Variants in DYRK1A observed in about 807,000 individuals in gnomAD.
DYRK1A encodes the protein dual specificity tyrosine phosphorylation regulated kinase 1A.
Under a neutral mutation model 79.7 loss-of-function variants are expected in DYRK1A, and 9 were observed. That is an observed-to-expected ratio of 0.11 (90% confidence interval 0.07 to 0.20). The LOEUF is 0.20. Ranked by LOEUF, DYRK1A falls within the 10% of genes least tolerant of loss-of-function variation. The pLI is 1.00. For synonymous variants in DYRK1A, 349 were observed against 329.7 expected (o/e 1.06, Z -0.63); for missense variants, 622 against 956.0 (o/e 0.65, Z 4.61).
intron 3 of DYRK1A, among the ~76,000 whole-genome samples, chr21:37,477,254 C>G (rs2052432409): frequency 6.6e-6 from 1 of 152,146 alleles, no homozygotes; most frequent in Non-Finnish European, 1.5e-5. Flanking sequence ...TTTCCCAGCA[C>G]AAATGTCCAG....
chr21:37,433,055 A>ATT (rs1219284036), intron 2 of DYRK1A, among the ~76,000 whole-genome samples: 2 of 149,910 alleles, frequency 1.3e-5, no homozygotes, highest in African/African-American at 4.9e-5. Context: ...ATATATATAT[A>ATT]TATATATATA....
chr21:37,487,152 CCAT>C (rs754559065), intron 6 of DYRK1A: 2 of 152,138 alleles, frequency 1.3e-5, no homozygotes, highest in Non-Finnish European at 2.9e-5. Flanking sequence ...TGCTTTTCTT[CCAT>C]CATCTGTAAT....
intron 2 of DYRK1A, among the ~76,000 whole-genome samples, chr21:37,463,411 A>G (rs2051918558): frequency 1.3e-5 from 2 of 152,118 alleles, no homozygotes; most frequent in East Asian, 1.9e-4. Context: ...CAGGCACTGC[A>G]CTGTGTGCTT....
chr21:37,416,459 T>C (rs545978472), intron 1 of DYRK1A, among the ~76,000 whole-genome samples: 2 of 152,002 alleles, frequency 1.3e-5, no homozygotes, highest in African/African-American at 2.4e-5. Context: ...GATCATCTTA[T>C]TGGAAATAAG....
intron 1 of DYRK1A, among the ~76,000 whole-genome samples, chr21:37,401,932 A>G (rs985204396): frequency 9.8e-5 from 15 of 152,286 alleles, no homozygotes; most frequent in South Asian, 8.3e-4. Flanking sequence ...CATATTTTCA[A>G]ATATTTAGAG....
chr21:37,491,820 T>G (rs1016734491), intron 7 of DYRK1A, among the ~76,000 whole-genome samples: 1 of 152,224 alleles, frequency 6.6e-6, no homozygotes, highest in Non-Finnish European at 1.5e-5. Context: ...TGTCCTAATA[T>G]TAAACATTAT....
intron 2 of DYRK1A, among the ~76,000 whole-genome samples, chr21:37,449,277 C>T (rs2051368449): frequency 6.6e-6 from 1 of 152,098 alleles, no homozygotes; most frequent in Non-Finnish European, 1.5e-5. Flanking sequence ...ACGAACACAC[C>T]TAATATTTCA....
At chr21:37,479,625 T>TTTTTTTG (rs2052560163) in intron 4 of DYRK1A, among the ~76,000 whole-genome samples, 1 of 97,536 alleles carries the variant, frequency 1.0e-5, no homozygotes, top group African/African-American at 5.6e-5. Context: ...TTTTGTTTTT[T>TTTTTTTG]TTTTTTTTTT....
intron 1 of DYRK1A, among the ~76,000 whole-genome samples, chr21:37,378,245 C>G (rs906645480): frequency 6.6e-6 from 1 of 152,086 alleles, no homozygotes; most frequent in Non-Finnish European, 1.5e-5. Flanking sequence ...TAAAGTATTT[C>G]CTGGGGGCCA....
intron 2 of DYRK1A, among the ~76,000 whole-genome samples, chr21:37,467,990 C>A (rs1216124517): frequency 1.3e-5 from 2 of 152,192 alleles, no homozygotes; most frequent in Non-Finnish European, 2.9e-5. Flanking sequence ...GCGGAAAATT[C>A]TGTTGGGCAC....
intron 9 of DYRK1A, among the ~76,000 whole-genome samples, chr21:37,497,962 T>G (rs998103786): frequency 2.0e-5 from 3 of 149,136 alleles, no homozygotes; most frequent in Non-Finnish European, 4.4e-5. Flanking sequence ...TTTTAAGAGA[T>G]AAATTTTGTA....
At chr21:37,429,918 A>G (rs1278413795) in intron 2 of DYRK1A, among the ~76,000 whole-genome samples, 1 of 152,146 alleles carries the variant, frequency 6.6e-6, no homozygotes, top group Non-Finnish European at 1.5e-5. Flanking sequence ...ATGATTTTTA[A>G]TACATTAGTA....
chr21:37,417,444 T>C (rs1374735985), intron 1 of DYRK1A, among the ~76,000 whole-genome samples: 1 of 151,624 alleles, frequency 6.6e-6, no homozygotes, highest in African/African-American at 2.4e-5. Context: ...TACGCCCACC[T>C]CGGCCTCCCA....
At chr21:37,484,646 TA>T (rs2148594900) in intron 5 of DYRK1A, among the ~76,000 whole-genome samples, 1 of 152,284 alleles carries the variant, frequency 6.6e-6, no homozygotes, top group South Asian at 2.1e-4. Context: ...GCTTACTTTC[TA>T]ACTTTCCTGA....
intron 2 of DYRK1A, among the ~76,000 whole-genome samples, chr21:37,431,507 G>T (rs1215308884): frequency 1.4e-4 from 22 of 152,164 alleles, no homozygotes; most frequent in Non-Finnish European, 1.5e-5. Flanking sequence ...TCGACCGGGT[G>T]TTTGGAAGCA....
At chr21:37,398,067 T>TA (rs111780739) in intron 1 of DYRK1A, among the ~76,000 whole-genome samples, 21,057 of 98,792 alleles carry the variant, frequency 0.21, 1,777 homozygotes, top group East Asian at 0.4. Context: ...CCTCATCTCT[T>TA]AAAAAAAAAA....
chr21:37,525,546 A>G lies in DYRK1A; in HGVS notation c.*13015A>G, dbSNP rs2053962242. 6.6e-6 allele frequency: 1 copy of G among 152,222 alleles called. No homozygotes were observed. Among genetic ancestry groups the G allele is most frequent in the South Asian group, 2.1e-4 (1 of 4,830 alleles). 9.4% of individuals were successfully genotyped at this position (152,222 alleles called of 1,614,324 possible). ...ATTTGGGTGGGGACACAGCTAACTC[A>G]TATCAGTGTGGAATAGAAAATGGCT... On this transcript the variant is annotated 3_prime_UTR_variant, in exon 12 of 12. Coordinates refer to ENST00000647188, the MANE Select transcript of DYRK1A (RefSeq NM_001347721.2).
At chr21:37,429,938 C>T in intron 2 of DYRK1A, among the ~76,000 whole-genome samples, 1 of 152,264 alleles carries the variant, frequency 6.6e-6, no homozygotes. Flanking sequence ...ATGTTTGTAG[C>T]TGTGTTTTAG....
At chr21:37,384,528 C>A (rs1050086418) in intron 1 of DYRK1A, among the ~76,000 whole-genome samples, 1 of 151,348 alleles carries the variant, frequency 6.6e-6, no homozygotes, top group Non-Finnish European at 1.5e-5. Flanking sequence ...GCAAACTAAT[C>A]TGAAACTAAT....
Sources: allele counts gnomAD v4.1 joint callset (sites outside exome capture counted in the v4.1 genomes callset), GRCh38; gene constraint gnomAD v4.1.1; transcripts MANE v1.5; gene names NCBI Gene and HGNC (gene_info 2026-07-23, HGNC 2026-07-21).